Variants in SLC25A21 observed in about 807,000 individuals in gnomAD.
SLC25A21 encodes the protein mitochondrial 2-oxodicarboxylate carrier.
In SLC25A21, 47 loss-of-function variants were observed where a neutral mutation model predicts 43.8. The ratio of observed to expected loss-of-function variants is 1.07; its 90% CI spans 0.85 to 1.37. The LOEUF is 1.37. Among genes scored for constraint, SLC25A21 ranks in the 40% most tolerant of loss-of-function variants. The pLI is 0.00. For missense variants in SLC25A21, 352 were observed against 350.2 expected (o/e 1.00, Z -0.04); for synonymous variants, 131 against 121.3 (o/e 1.08, Z -0.52).
intron 2 of SLC25A21, among the ~76,000 whole-genome samples, chr14:36,831,905 T>G (rs1349167764): frequency 6.6e-6 from 1 of 152,220 alleles, no homozygotes; most frequent in Non-Finnish European, 1.5e-5. Flanking sequence ...TACAACATTC[T>G]TTTCCTTCGA....
intron 1 of SLC25A21, among the ~76,000 whole-genome samples, chr14:37,013,025 T>A (rs908169106): frequency 6.6e-6 from 1 of 152,232 alleles, no homozygotes; most frequent in African/African-American, 2.4e-5. Flanking sequence ...AGAGTCTAGC[T>A]AAACAAAACT....
chr14:36,793,797 T>G (rs1488595499), intron 3 of SLC25A21, among the ~76,000 whole-genome samples: 3 of 152,136 alleles, frequency 2.0e-5, no homozygotes, highest in African/African-American at 7.2e-5. Context: ...ATGGCCTTTA[T>G]TCTCCTCTGG....
intron 1 of SLC25A21, among the ~76,000 whole-genome samples, chr14:37,053,574 T>C (rs1167309725): frequency 2.6e-5 from 4 of 152,218 alleles, no homozygotes; most frequent in African/African-American, 9.7e-5. Flanking sequence ...TCTTAACTCA[T>C]CTCATAGTCA....
chr14:36,764,186 AAGAAAG>A (rs202007513), intron 3 of SLC25A21, among the ~76,000 whole-genome samples: 2,705 of 90,446 alleles, frequency 0.03, 380 homozygotes, highest in East Asian at 0.067. Flanking sequence ...GAAAGAAAGA[AAGAAAG>A]AGAAAGAAAG....
intron 1 of SLC25A21, among the ~76,000 whole-genome samples, chr14:36,947,451 C>T (rs1892703826): frequency 6.6e-6 from 1 of 152,188 alleles, no homozygotes; most frequent in African/African-American, 2.4e-5. Flanking sequence ...TTGTCTTCAG[C>T]TGGTCTGAAA....
intron 2 of SLC25A21, among the ~76,000 whole-genome samples, chr14:36,834,803 C>T (rs887563308): frequency 9.2e-5 from 14 of 151,926 alleles, no homozygotes; most frequent in East Asian, 1.9e-4. Flanking sequence ...ATGAGATCAA[C>T]GAAAGGGCCT....
chr14:36,852,550 C>T (rs1244439292), intron 2 of SLC25A21, among the ~76,000 whole-genome samples: 1 of 151,942 alleles, frequency 6.6e-6, no homozygotes, highest in African/African-American at 2.4e-5. Flanking sequence ...TTTCAAGGAC[C>T]AGAAAGTAAT....
chr14:36,856,348 C>A (rs1889897495), intron 2 of SLC25A21, among the ~76,000 whole-genome samples: 1 of 152,170 alleles, frequency 6.6e-6, no homozygotes, highest in Non-Finnish European at 1.5e-5. Context: ...TGACCTCATT[C>A]TTTGATTCCA....
Position 36,735,930 on chromosome 14 carries a change from ATTTTTTTTT to A in SLC25A21, c.204-1366_204-1358del, listed in dbSNP as rs776933723. Among the ~76,000 whole-genome samples, 94 of 84,306 alleles carry A rather than the reference ATTTTTTTTT, an allele frequency of 1.1e-3. 1 individual carries two copies. The highest frequency in any genetic ancestry group is 4.9e-3 in the African/African-American group (92 of 18,666). 55.3% of individuals were successfully genotyped at this position (84,306 alleles called of 152,430 possible). A position where few individuals can be genotyped will look rare whatever the true frequency, so the allele number is the denominator to read the frequency against. ...CTGATATGGGCTTATTCTGGCCACAATTTTTTTTTTTTTTTTTTTTTTTTGAGACCGAGT... is the reference window on the plus strand; with the variant it reads ...CTGATATGGGCTTATTCTGGCCACAATTTTTTTTTTTTTTTGAGACCGAGT... On this transcript the variant is annotated intron_variant, in intron 3 of 9. Coordinates refer to ENST00000331299, the MANE Select transcript of SLC25A21 (RefSeq NM_030631.4).
At chr14:36,763,183 A>C (rs1169806401) in intron 3 of SLC25A21, among the ~76,000 whole-genome samples, 1 of 152,266 alleles carries the variant, frequency 6.6e-6, no homozygotes, top group African/African-American at 2.4e-5. Flanking sequence ...ATGAAAAATG[A>C]AAACACTGAT....
At chr14:37,107,641 C>A (rs1427905500) in intron 1 of SLC25A21, among the ~76,000 whole-genome samples, 2 of 152,062 alleles carry the variant, frequency 1.3e-5, no homozygotes, top group Non-Finnish European at 2.9e-5. Context: ...TATCATAGCC[C>A]TATAATGTAA....
chr14:36,701,032 A>G (rs1291468524), intron 7 of SLC25A21, among the ~76,000 whole-genome samples: 1 of 152,110 alleles, frequency 6.6e-6, no homozygotes, highest in Non-Finnish European at 1.5e-5. Context: ...AGCTATTGTT[A>G]GTTCTAATAG....
At chr14:36,906,602 T>C (rs1891541998) in intron 1 of SLC25A21, among the ~76,000 whole-genome samples, 1 of 151,902 alleles carries the variant, frequency 6.6e-6, no homozygotes, top group South Asian at 2.1e-4. Flanking sequence ...GACTGCCTGG[T>C]TCAAGCTATT....
At chr14:36,929,257 T>C (rs1386004272) in intron 1 of SLC25A21, among the ~76,000 whole-genome samples, 1 of 152,162 alleles carries the variant, frequency 6.6e-6, no homozygotes, top group African/African-American at 2.4e-5. Flanking sequence ...GTAACAAATA[T>C]TTGTTGAATG....
At chr14:36,931,118 A>G (rs1566747844) in intron 1 of SLC25A21, among the ~76,000 whole-genome samples, 1 of 152,162 alleles carries the variant, frequency 6.6e-6, no homozygotes, top group South Asian at 2.1e-4. Flanking sequence ...CCCCTATTTA[A>G]AGTAAGGGAG....
chr14:37,104,165 C>G (rs533273227), intron 1 of SLC25A21, among the ~76,000 whole-genome samples: 1 of 152,282 alleles, frequency 6.6e-6, no homozygotes, highest in African/African-American at 2.4e-5. Context: ...ATATAATTTA[C>G]TTTACTAGAA....
At chr14:36,966,104 G>C (rs1959609739) in intron 1 of SLC25A21, among the ~76,000 whole-genome samples, 1 of 152,146 alleles carries the variant, frequency 6.6e-6, no homozygotes, top group South Asian at 2.1e-4. Context: ...GAAACACACA[G>C]TGGAAATTCG....
Position 36,711,378 on chromosome 14 carries a change from A to G in SLC25A21, c.543T>C (p.Val181=). 1 of 1,614,122 alleles carries G rather than the reference A, an allele frequency of 6.2e-7. No individual in the cohort carries two copies. The highest frequency in any genetic ancestry group is 8.5e-7 in the Non-Finnish European group (1 of 1,180,004). Residue 181 remains valine (V), a synonymous_variant, in exon 7 of 10, where the codon GTT becomes GTC. Transcript: ENST00000331299. The part of the protein sequence containing the change: ...GLTATLGRHG[V]FNMVYFGFYY... Reference sequence around the variant, plus strand: ...AGAAGCCAAAATAAACCATGTTGAAAACTCCATGTCGTCCCAAAGTTGCAG... The same window carrying G: ...AGAAGCCAAAATAAACCATGTTGAAGACTCCATGTCGTCCCAAAGTTGCAG...
intron 2 of SLC25A21, among the ~76,000 whole-genome samples, chr14:36,829,326 G>C (rs1888949856): frequency 1.3e-5 from 2 of 152,128 alleles, no homozygotes; most frequent in African/African-American, 2.4e-5. Flanking sequence ...GGTGACAAGA[G>C]GCAGGAGAAT....
Sources: gnomAD v4.1 joint callset for allele counts (sites outside exome capture counted in the v4.1 genomes callset) on GRCh38, gnomAD v4.1.1 for gene constraint, MANE v1.5 for transcripts, NCBI Gene and HGNC (gene_info 2026-07-23, HGNC 2026-07-21) for gene names.